Variants in SEMA6D observed in about 807,000 individuals in gnomAD.
SEMA6D encodes semaphorin 6D, also known as semaphorin-6D.
A neutral mutation model predicts 106.6 loss-of-function variants in SEMA6D; 35 were observed. That is an observed-to-expected ratio of 0.33 (90% CI 0.25 to 0.44). The LOEUF (loss-of-function observed/expected upper bound fraction) is 0.44, where lower values mean the gene tolerates loss of function less well. Among genes scored for constraint, SEMA6D ranks in the 20% least tolerant of loss-of-function variants. SEMA6D has a pLI of 1.00. For missense variants in SEMA6D, 1,185 were observed against 1,345.9 expected (o/e 0.88, Z 1.87); for synonymous variants, 499 against 487.7 (o/e 1.02, Z -0.31).
At chr15:47,201,462 T>C (rs1485820717) in intron 1 of SEMA6D, among the ~76,000 whole-genome samples, 1 of 152,306 alleles carries the variant, frequency 6.6e-6, no homozygotes, top group East Asian at 1.9e-4. Flanking sequence ...ATTTCTGTCT[T>C]TTCTTTTAAA....
chr15:47,694,572 G>A (rs936119268), intron 4 of SEMA6D, among the ~76,000 whole-genome samples: 5 of 152,064 alleles, frequency 3.3e-5, no homozygotes, highest in African/African-American at 1.2e-4. Context: ...TGAAACATAT[G>A]CCTCCTGCTT....
intron 2 of SEMA6D, among the ~76,000 whole-genome samples, chr15:47,454,395 TG>T (rs1382396888): frequency 6.6e-6 from 1 of 151,970 alleles, no homozygotes; most frequent in Non-Finnish European, 1.5e-5. Context: ...ATGCCACAAA[TG>T]TGTATTGAAC....
chr15:47,755,673 G>T (rs1244212679), intron 1 of SEMA6D, among the ~76,000 whole-genome samples: 3 of 151,536 alleles, frequency 2.0e-5, no homozygotes, highest in Non-Finnish European at 4.4e-5. Flanking sequence ...GCTTGTCAGA[G>T]GCCCAAATGA....
chr15:47,705,158 C>T (rs1368807932), intron 4 of SEMA6D, among the ~76,000 whole-genome samples: 1 of 152,064 alleles, frequency 6.6e-6, no homozygotes, highest in Non-Finnish European at 1.5e-5. Flanking sequence ...CACAGCCCAA[C>T]AGTGGGGCAG....
At chr15:47,299,527 G>C (rs2035936664) in intron 1 of SEMA6D, among the ~76,000 whole-genome samples, 3 of 152,138 alleles carry the variant, frequency 2.0e-5, no homozygotes, top group Non-Finnish European at 4.4e-5. Context: ...GTTTCAGCAG[G>C]GACTGCAGGA....
At chr15:47,769,769 A>T (rs952158548) in intron 18 of SEMA6D, among the ~76,000 whole-genome samples, 3 of 152,144 alleles carry the variant, frequency 2.0e-5, no homozygotes, top group African/African-American at 7.2e-5. Flanking sequence ...TTATAAACTA[A>T]TTTGCTCTTC....
At chr15:47,497,711 A>AT (rs2043713925) in intron 3 of SEMA6D, among the ~76,000 whole-genome samples, 1 of 152,098 alleles carries the variant, frequency 6.6e-6, no homozygotes, top group South Asian at 2.1e-4. Context: ...CTTGACCAAC[A>AT]TGTGTAAAAT....
At chr15:47,658,634 A>G (rs1263433884) in intron 4 of SEMA6D, among the ~76,000 whole-genome samples, 5 of 152,126 alleles carry the variant, frequency 3.3e-5, no homozygotes, top group Non-Finnish European at 5.9e-5. Context: ...TCCCCCCTCA[A>G]CTAACATCTA....
chr15:47,686,458 G>A (rs543076369), intron 4 of SEMA6D, among the ~76,000 whole-genome samples: 1 of 152,184 alleles, frequency 6.6e-6, no homozygotes, highest in Non-Finnish European at 1.5e-5. Context: ...ATGACCTTCT[G>A]CAAGAAAAGC....
Position 47,706,215 on chromosome 15 carries a change from A to C in SEMA6D, c.-54-53530A>C, listed in dbSNP as rs2078909465. Among the ~76,000 whole-genome samples the C allele has an allele frequency of 2.0e-5, 3 of 152,224 alleles. No homozygotes were observed. The South Asian group carries it at 6.2e-4, about 31-fold the overall frequency. ...ATTTTTTCAACATTTGACTGAATAA[A>C]AGTATAAATTTGTCCCATCTCTACT... On this transcript the variant is annotated intron_variant, in intron 4 of 19. Transcript: ENST00000558014.
At chr15:47,250,440 GAAGAAAGA>G (rs549519554) in intron 1 of SEMA6D, among the ~76,000 whole-genome samples, 25 of 151,786 alleles carry the variant, frequency 1.6e-4, no homozygotes, top group African/African-American at 2.9e-4. Flanking sequence ...AGCAAATCCT[GAAGAAAGA>G]AAGAAAGAAA....
In SEMA6D at chr15:47,773,051, G is replaced by C. The variant is rs574304588; in HGVS notation, c.*1266G>C. ...ACAATATACTGTAAATACCACATGT[G>C]AGTTTACCTGAATCTGTGCATTTTG... is the stretch of plus-strand genomic sequence containing the variant. On this transcript the variant is annotated 3_prime_UTR_variant, in exon 19 of 19. Coordinates refer to ENST00000536845, the MANE Select transcript of SEMA6D (RefSeq NM_001358351.3). 3.3e-5 allele frequency: 5 copies of C among 152,584 alleles called. No homozygotes were observed. The South Asian group carries it at 8.3e-4, about 25-fold the overall frequency. 9.5% of individuals were successfully genotyped at this position (152,584 alleles called of 1,614,324 possible). A position where few individuals can be genotyped will look rare whatever the true frequency, so the allele number is the denominator to read the frequency against.
intron 1 of SEMA6D, among the ~76,000 whole-genome samples, chr15:47,340,010 C>T (rs912336464): frequency 3.9e-5 from 6 of 152,108 alleles, no homozygotes; most frequent in African/African-American, 1.4e-4. Flanking sequence ...TGTTTAATCA[C>T]GTGACCTTTG....
chr15:47,260,684 T>C (rs2034031268), intron 1 of SEMA6D, among the ~76,000 whole-genome samples: 1 of 152,180 alleles, frequency 6.6e-6, no homozygotes, highest in Non-Finnish European at 1.5e-5. Flanking sequence ...CTGAGCCACT[T>C]GTGGAAACGT....
At chr15:47,701,832 G>A (rs1566998615) in intron 4 of SEMA6D, among the ~76,000 whole-genome samples, 1 of 152,024 alleles carries the variant, frequency 6.6e-6, no homozygotes, top group Non-Finnish European at 1.5e-5. Context: ...TCCCCCACCT[G>A]GTTCTTCAGG....
chr15:47,589,646 A>G (rs1413869874), intron 3 of SEMA6D, among the ~76,000 whole-genome samples: 3 of 152,216 alleles, frequency 2.0e-5, no homozygotes, highest in Non-Finnish European at 4.4e-5. Context: ...ATTCTTGCAT[A>G]CATATTTCCT....
chr15:47,771,305 G>A lies in SEMA6D; in HGVS notation c.2742G>A (p.Ser914=), dbSNP rs765465054. 92 of 1,613,750 alleles carry A rather than the reference G, an allele frequency of 5.7e-5. No homozygotes were observed. Among genetic ancestry groups the A allele is most frequent in the Admixed American group, 1.0e-4 (6 of 59,974 alleles). The stretch of plus-strand genomic sequence containing the variant: ...ACTTAATGCTGGATCCCATGGGATC[G>A]ATGTCTGAGGTCCCACCTAAAGTCC... ...HQNLMLDPMG[S]MSEVPPKVPN... The change falls in exon 19 of 19, where the codon TCG becomes TCA. Residue 914 remains serine (S), a synonymous_variant. Transcript: ENST00000536845.
At chr15:47,219,137 C>A (rs1595758395) in intron 1 of SEMA6D, among the ~76,000 whole-genome samples, 2 of 152,268 alleles carry the variant, frequency 1.3e-5, no homozygotes, top group Middle Eastern at 6.8e-3. Context: ...AGTAATTTTT[C>A]AATGACCATC....
intron 4 of SEMA6D, among the ~76,000 whole-genome samples, chr15:47,629,881 T>C (rs1215245717): frequency 3.9e-5 from 6 of 151,958 alleles, no homozygotes; most frequent in African/African-American, 1.4e-4. Flanking sequence ...GACATGATTT[T>C]ATTCTTTTTT....
Sources: allele counts gnomAD v4.1 joint callset (sites outside exome capture counted in the v4.1 genomes callset), GRCh38; gene constraint gnomAD v4.1.1; transcripts MANE v1.5; gene names NCBI Gene and HGNC (gene_info 2026-07-23, HGNC 2026-07-21).